The following TAS2R1 variants were observed in gnomAD, a reference collection of about 807,000 sequenced individuals.
TAS2R1 encodes the protein taste 2 receptor member 1.
For missense variants in TAS2R1, 370 were observed against 353.4 expected, an observed-to-expected ratio of 1.05 and a Z score of -0.38; for synonymous variants, 141 against 134.2, an observed-to-expected ratio of 1.05 and a Z score of -0.35.
the TAS2R1 span, among the ~76,000 whole-genome samples, chr5:9,859,723 A>G: frequency 4.6e-5 from 7 of 152,296 alleles, no homozygotes; most frequent in East Asian, 1.2e-3. Context: ...AGAATTGAAT[A>G]TATTACTCCA....
the TAS2R1 span, among the ~76,000 whole-genome samples, chr5:9,789,187 A>G: frequency 6.6e-6 from 1 of 152,216 alleles, no homozygotes; most frequent in Non-Finnish European, 1.5e-5. Flanking sequence ...TGGGAAAGGT[A>G]TTTGATACAA....
At chr5:9,690,984 C>T (rs991403654) in intron 1 of TAS2R1, among the ~76,000 whole-genome samples, 2 of 152,176 alleles carry the variant, frequency 1.3e-5, no homozygotes, top group Non-Finnish European at 2.9e-5. Flanking sequence ...ACAAAGTGTG[C>T]GTAGCCCGGG....
intron 1 of TAS2R1, among the ~76,000 whole-genome samples, chr5:9,702,246 T>C (rs998771801): frequency 7.9e-5 from 12 of 152,242 alleles, no homozygotes; most frequent in African/African-American, 2.9e-4. Context: ...ATTAACTATG[T>C]ATTTATTAAA....
At chr5:9,782,030 C>T in the TAS2R1 span, among the ~76,000 whole-genome samples, 5 of 152,324 alleles carry the variant, frequency 3.3e-5, no homozygotes, top group East Asian at 5.8e-4. Flanking sequence ...CTGGCTCAAG[C>T]GGGTCCTCAA....
Position 9,628,652 on chromosome 5 carries a change from G to A in TAS2R1, c.*481C>T, listed in dbSNP as rs1015407831. ...AATAATATCCAGGTAGACAAGAAAT[G>A]AACAGTCAGCCCGTTAAGGTCAGGA... On this transcript the variant is annotated 3_prime_UTR_variant, in exon 1 of 1. Transcript: ENST00000382492. Among the ~76,000 whole-genome samples, 2 of 152,146 alleles carry A rather than the reference G, an allele frequency of 1.3e-5. No homozygotes were observed. The highest frequency in any genetic ancestry group is 4.8e-5 in the African/African-American group (2 of 41,434).
chr5:9,731,373 G>A, the TAS2R1 span, among the ~76,000 whole-genome samples: 18 of 152,104 alleles, frequency 1.2e-4, no homozygotes, highest in East Asian at 1.9e-3. Context: ...CACCCCCTTC[G>A]CTGCCTCCTC....
intron 1 of TAS2R1, among the ~76,000 whole-genome samples, chr5:9,662,044 T>C (rs1416735076): frequency 1.3e-5 from 2 of 152,146 alleles, no homozygotes; most frequent in African/African-American, 4.8e-5. Flanking sequence ...TTCACATGCC[T>C]GCTTGTGGGT....
chr5:9,753,393 G>T, the TAS2R1 span, among the ~76,000 whole-genome samples: 4,127 of 152,208 alleles, frequency 0.027, 56 homozygotes, highest in Non-Finnish European at 0.033. Flanking sequence ...TTTTGATGGG[G>T]TTGTTTGTTT....
At chr5:9,816,000 G>T in the TAS2R1 span, among the ~76,000 whole-genome samples, 1 of 151,934 alleles carries the variant, frequency 6.6e-6, no homozygotes, top group South Asian at 2.1e-4. Context: ...TCAACAGCCT[G>T]GACACATAGA....
the TAS2R1 span, among the ~76,000 whole-genome samples, chr5:9,871,795 G>A: frequency 0.017 from 2,662 of 152,182 alleles, 75 homozygotes; most frequent in African/African-American, 0.059. Context: ...AGTTGCCATT[G>A]AGCATTTTAA....
At chr5:9,793,513 T>A in the TAS2R1 span, among the ~76,000 whole-genome samples, 79 of 151,920 alleles carry the variant, frequency 5.2e-4, 2 homozygotes, top group East Asian at 0.014. Context: ...TTTGTGGGGG[T>A]GTCATAAGAT....
upstream of TAS2R1, among the ~76,000 whole-genome samples, chr5:9,714,708 T>C (rs1734769911): frequency 6.6e-6 from 1 of 152,266 alleles, no homozygotes; most frequent in South Asian, 2.1e-4. Flanking sequence ...TTCGGGATTC[T>C]GGCTGAAGCT....
the TAS2R1 span, among the ~76,000 whole-genome samples, chr5:9,856,926 T>G: frequency 6.6e-6 from 1 of 152,204 alleles, no homozygotes; most frequent in Non-Finnish European, 1.5e-5. Flanking sequence ...ATATGGTATA[T>G]ATACACAATG....
intron 1 of TAS2R1, among the ~76,000 whole-genome samples, chr5:9,684,009 T>C (rs1741079106): frequency 6.6e-6 from 1 of 152,122 alleles, no homozygotes; most frequent in South Asian, 2.1e-4. Context: ...GAAGACCAGG[T>C]CTGGGCAAAG....
At chr5:9,817,165 C>T in the TAS2R1 span, among the ~76,000 whole-genome samples, 1 of 152,136 alleles carries the variant, frequency 6.6e-6, no homozygotes, top group African/African-American at 2.4e-5. Context: ...GCCAAAGGAA[C>T]ATGTCCGATT....
the TAS2R1 span, among the ~76,000 whole-genome samples, chr5:9,741,174 C>G: frequency 6.6e-6 from 1 of 152,112 alleles, no homozygotes; most frequent in Non-Finnish European, 1.5e-5. Context: ...CGTGAAGTCC[C>G]GGAGGTGGGG....
At chr5:9,719,394 T>G in the TAS2R1 span, among the ~76,000 whole-genome samples, 1 of 152,182 alleles carries the variant, frequency 6.6e-6, no homozygotes, top group African/African-American at 2.4e-5. Flanking sequence ...AAAATTTGTT[T>G]TAACAAAAAA....
At chr5:9,791,272 C>A in the TAS2R1 span, among the ~76,000 whole-genome samples, 5 of 152,158 alleles carry the variant, frequency 3.3e-5, no homozygotes, top group Non-Finnish European at 7.3e-5. Flanking sequence ...GCAGCCTTGG[C>A]CCCAGCATGT....
chr5:9,789,184 G>C, the TAS2R1 span, among the ~76,000 whole-genome samples: 1 of 152,126 alleles, frequency 6.6e-6, no homozygotes. Context: ...GCCTGGGAAA[G>C]GTATTTGATA....
Sources: allele counts gnomAD v4.1 joint callset (sites outside exome capture counted in the v4.1 genomes callset), GRCh38; gene constraint gnomAD v4.1.1; transcripts MANE v1.5; gene names NCBI Gene and HGNC (gene_info 2026-07-23, HGNC 2026-07-21).